Variants in RANBP17 observed in about 807,000 individuals in gnomAD.
RANBP17 encodes the protein RAN binding protein 17, also known as ran-binding protein 17.
Under a neutral mutation model 141.2 loss-of-function variants are expected in RANBP17, and 158 were observed. The ratio of observed to expected loss-of-function variants is 1.12; its 90% CI spans 0.98 to 1.28. RANBP17 has a LOEUF of 1.28. Among genes scored for constraint, RANBP17 ranks in the 50% most tolerant of loss-of-function variants. The pLI, the probability that RANBP17 is intolerant of heterozygous loss-of-function variation, is 0.00. For synonymous variants in RANBP17, 430 were observed against 450.0 expected (o/e 0.96, Z 0.56); for missense variants, 1,438 against 1,290.7 (o/e 1.11, Z -1.75).
At position 170,924,371 on chromosome 5, in the gene RANBP17, A is replaced by G; in HGVS notation, c.1289A>G (p.Asp430Gly). ...VAIVVRDHLD[D>G]PLDDTATVFQ... is the part of the protein sequence containing the mutation. Reference sequence around the variant, plus strand: ...TGTGTTTGCAGAGATCACTTAGATGATCCACTGGATGATACTGCCACTGTG... The same window carrying G: ...TGTGTTTGCAGAGATCACTTAGATGGTCCACTGGATGATACTGCCACTGTG... Residue 430 changes from aspartate to glycine, a missense_variant, in exon 12 of 28, where the codon GAT becomes GGT. Asp to Gly is a moderately conservative substitution (Grantham distance 94). Coordinates refer to ENST00000523189, the MANE Select transcript of RANBP17 (RefSeq NM_022897.5). 6.3e-7 allele frequency: 1 copy of G among 1,588,682 alleles called. No homozygotes were observed. The highest frequency in any genetic ancestry group is 8.6e-7 in the Non-Finnish European group (1 of 1,160,020).
chr5:170,961,827 TAG>T (rs1325807868), intron 13 of RANBP17, among the ~76,000 whole-genome samples: 18 of 152,328 alleles, frequency 1.2e-4, no homozygotes, highest in Non-Finnish European at 2.5e-4. Flanking sequence ...GGCACTGTGG[TAG>T]AGACTGTCAA....
At position 171,205,849 on chromosome 5, in the gene RANBP17, A is replaced by C. The variant is rs1762548147; in HGVS notation, c.2231+237A>C. 3 of 599,216 alleles carry C rather than the reference A, an allele frequency of 5.0e-6. No homozygotes were observed. In the Admixed American group the frequency reaches 6.8e-5, roughly 14 times the overall value. The allele number at this position is 599,216 out of a possible 1,614,324, so 37.1% of individuals were successfully genotyped here. Reference sequence around the variant, plus strand: ...GCCGTTAAATATTGATAACTTAAAAATGACTTCCCCCAAATGATTGTTTAT... The same window carrying C: ...GCCGTTAAATATTGATAACTTAAAACTGACTTCCCCCAAATGATTGTTTAT... On this transcript the variant is annotated intron_variant, in intron 20 of 27. Coordinates refer to ENST00000523189, the MANE Select transcript of RANBP17 (RefSeq NM_022897.5).
chr5:171,125,397 TAA>T (rs200607180), intron 14 of RANBP17, among the ~76,000 whole-genome samples: 43 of 80,392 alleles, frequency 5.3e-4, no homozygotes, highest in East Asian at 1.7e-3. Context: ...AAACAAAGGG[TAA>T]AAAAAAAAAA....
chr5:170,897,744 C>CT (rs1169159847), intron 5 of RANBP17, among the ~76,000 whole-genome samples: 1 of 152,074 alleles, frequency 6.6e-6, no homozygotes, highest in Non-Finnish European at 1.5e-5. Context: ...TGAACTCGTC[C>CT]TTTTTTATGG....
At chr5:170,904,831 A>G (rs1276909449) in intron 5 of RANBP17, among the ~76,000 whole-genome samples, 1 of 152,152 alleles carries the variant, frequency 6.6e-6, no homozygotes, top group East Asian at 1.9e-4. Flanking sequence ...TATTCTATTT[A>G]AATTCTCCTG....
At chr5:170,956,240 T>C (rs1775682196) in intron 13 of RANBP17, among the ~76,000 whole-genome samples, 2 of 152,044 alleles carry the variant, frequency 1.3e-5, no homozygotes, top group Admixed American at 6.6e-5. Flanking sequence ...TATATTGTTA[T>C]ATATTTTTAC....
chr5:171,249,446 A>G (rs1181977555), intron 24 of RANBP17, among the ~76,000 whole-genome samples: 1 of 152,250 alleles, frequency 6.6e-6, no homozygotes, highest in African/African-American at 2.4e-5. Context: ...GAAATTTTCA[A>G]AATCCCAGAT....
chr5:170,908,784 A>G (rs983451514), intron 5 of RANBP17, among the ~76,000 whole-genome samples: 2 of 151,934 alleles, frequency 1.3e-5, no homozygotes, highest in African/African-American at 4.8e-5. Flanking sequence ...AAATATGGCA[A>G]TCGAGTATAA....
At chr5:171,081,180 T>C (rs1785239203) in intron 14 of RANBP17, among the ~76,000 whole-genome samples, 1 of 152,168 alleles carries the variant, frequency 6.6e-6, no homozygotes. Flanking sequence ...AGGCACTCAA[T>C]AGGTGTTCTT....
At chr5:171,176,769 C>A (rs868474088) in intron 16 of RANBP17, among the ~76,000 whole-genome samples, 1 of 152,082 alleles carries the variant, frequency 6.6e-6, no homozygotes, top group Non-Finnish European at 1.5e-5. Flanking sequence ...TATAGATAAA[C>A]CATTAAGTAT....
chr5:171,092,704 T>C (rs1343678723), intron 14 of RANBP17, among the ~76,000 whole-genome samples: 1 of 152,200 alleles, frequency 6.6e-6, no homozygotes, highest in Non-Finnish European at 1.5e-5. Flanking sequence ...TTTCATATGA[T>C]AGTGACATGA....
chr5:171,031,890 A>C (rs1340174935), intron 14 of RANBP17, among the ~76,000 whole-genome samples: 1 of 152,088 alleles, frequency 6.6e-6, no homozygotes, highest in Non-Finnish European at 1.5e-5. Flanking sequence ...TAATGTCTCA[A>C]GTTAATAGCC....
chr5:170,997,573 A>G (rs533828533), intron 14 of RANBP17, among the ~76,000 whole-genome samples: 25 of 152,298 alleles, frequency 1.6e-4, no homozygotes, highest in Admixed American at 4.6e-4. Flanking sequence ...AGCATGCTTG[A>G]CATAGGTTGC....
intron 22 of RANBP17, among the ~76,000 whole-genome samples, chr5:171,235,831 T>C (rs1561788499): frequency 1.3e-5 from 2 of 152,170 alleles, no homozygotes; most frequent in Non-Finnish European, 2.9e-5. Context: ...TGGACTCAAG[T>C]GATCCATCCG....
chr5:171,220,508 G>A lies in RANBP17; in HGVS notation c.2340-1250G>A, dbSNP rs938499853. Among the ~76,000 whole-genome samples, 5 of 147,674 alleles carry A rather than the reference G, an allele frequency of 3.4e-5. No homozygotes were observed. The South Asian group carries it at 1.1e-3, about 32-fold the overall frequency. On this transcript the variant is annotated intron_variant, in intron 21 of 27. Transcript: ENST00000523189. ...TTGTTGCCCAGGCTGGAGCGCAGTGGCCCTATCTCGACTCATTGCAACCTC... is the reference window on the plus strand; with the variant it reads ...TTGTTGCCCAGGCTGGAGCGCAGTGACCCTATCTCGACTCATTGCAACCTC...
chr5:170,931,025 C>G (rs1225262608), intron 12 of RANBP17, among the ~76,000 whole-genome samples: 1 of 152,186 alleles, frequency 6.6e-6, no homozygotes, highest in Non-Finnish European at 1.5e-5. Context: ...ACAGTCCCAC[C>G]AACAGTGTAA....
intron 1 of RANBP17, 53 bp downstream of exon 1, chr5:170,862,104 G>A (rs918642581): frequency 1.4e-6 from 2 of 1,425,084 alleles, no homozygotes; most frequent in African/African-American, 3.0e-5. Flanking sequence ...GGAACCCGGC[G>A]GGACGCGTCT....
intron 14 of RANBP17, among the ~76,000 whole-genome samples, chr5:171,029,921 T>C (rs906000997): frequency 6.6e-6 from 1 of 152,036 alleles, no homozygotes; most frequent in South Asian, 2.1e-4. Flanking sequence ...GATAATGACA[T>C]TGTGTGCATT....
intron 14 of RANBP17, among the ~76,000 whole-genome samples, chr5:171,088,796 C>A (rs1033308149): frequency 6.6e-6 from 1 of 152,128 alleles, no homozygotes; most frequent in African/African-American, 2.4e-5. Flanking sequence ...GTTCTCGAGC[C>A]TTGGTTTTCA....
Sources: gnomAD v4.1 joint callset for allele counts (sites outside exome capture counted in the v4.1 genomes callset) on GRCh38, gnomAD v4.1.1 for gene constraint, MANE v1.5 for transcripts, NCBI Gene and HGNC (gene_info 2026-07-23, HGNC 2026-07-21) for gene names.